PTPRT: variants seen among roughly 807,000 people sequenced by gnomAD.
PTPRT encodes the protein protein tyrosine phosphatase receptor type T.
A neutral mutation model predicts 176.8 loss-of-function variants in PTPRT; 56 were observed. That is an observed-to-expected ratio of 0.32 (90% CI 0.26 to 0.40). The LOEUF (loss-of-function observed/expected upper bound fraction) is 0.40. Among genes scored for constraint, PTPRT ranks in the 10% least tolerant of loss-of-function variants. The pLI, the probability that PTPRT is intolerant of heterozygous loss-of-function variation, is 1.00. For synonymous variants in PTPRT, 783 were observed against 739.0 expected (o/e 1.06, Z -0.96); for missense variants, 1,540 against 1,908.2 (o/e 0.81, Z 3.60).
intron 12 of PTPRT, among the ~76,000 whole-genome samples, chr20:42,286,770 T>A (rs6016737): frequency 6.6e-6 from 1 of 151,686 alleles, no homozygotes; most frequent in Non-Finnish European, 1.5e-5. Flanking sequence ...TAAAAAATTA[T>A]GTACAGAAAA....
chr20:42,859,420 T>G (rs893846499), intron 2 of PTPRT, among the ~76,000 whole-genome samples: 2 of 152,140 alleles, frequency 1.3e-5, no homozygotes, highest in African/African-American at 4.8e-5. Context: ...ATACCAACAG[T>G]GTATGGCCAC....
intron 15 of PTPRT, among the ~76,000 whole-genome samples, chr20:42,227,285 C>T (rs2056035906): frequency 6.6e-6 from 1 of 152,112 alleles, no homozygotes; most frequent in East Asian, 1.9e-4. Flanking sequence ...GGAGCAGTGG[C>T]TAAAGCCAAC....
At chr20:42,896,908 C>T (rs541225195) in intron 1 of PTPRT, among the ~76,000 whole-genome samples, 3 of 152,218 alleles carry the variant, frequency 2.0e-5, no homozygotes, top group African/African-American at 7.2e-5. Flanking sequence ...GATTCTTGCC[C>T]CCGGAATGAA....
chr20:42,688,899 C>T (rs1380695320), intron 6 of PTPRT, among the ~76,000 whole-genome samples: 1 of 152,188 alleles, frequency 6.6e-6, no homozygotes, highest in Non-Finnish European at 1.5e-5. Flanking sequence ...ATAACTGTCT[C>T]TACCCTGGAG....
At chr20:42,662,055 T>A (rs1337132820) in intron 7 of PTPRT, among the ~76,000 whole-genome samples, 1 of 152,142 alleles carries the variant, frequency 6.6e-6, no homozygotes, top group Non-Finnish European at 1.5e-5. Context: ...CTCATGGCAA[T>A]GAGGATTTTT....
At chr20:42,420,359 T>C (rs1390119543) in intron 9 of PTPRT, among the ~76,000 whole-genome samples, 3 of 152,048 alleles carry the variant, frequency 2.0e-5, no homozygotes, top group Non-Finnish European at 4.4e-5. Context: ...ATGTCTGAGC[T>C]CCGGTGCTTA....
chr20:42,410,520 T>C lies in PTPRT; in HGVS notation c.1560+37700A>G, dbSNP rs571616763. ...CTCTCCCAGTAATTGATAGAACAAGTAGAGGGAAAATTATTAAAATTAGAG... is the reference window on the plus strand; with the variant it reads ...CTCTCCCAGTAATTGATAGAACAAGCAGAGGGAAAATTATTAAAATTAGAG... On this transcript the variant is annotated intron_variant, in intron 9 of 30. Coordinates refer to ENST00000373187, the MANE Select transcript of PTPRT (RefSeq NM_007050.6). 3.3e-5 allele frequency among the ~76,000 whole-genome samples: 5 copies of C among 151,624 alleles called. No individual in the cohort carries two copies. In the East Asian group the frequency reaches 9.7e-4, roughly 29 times the overall value.
intron 6 of PTPRT, among the ~76,000 whole-genome samples, chr20:42,742,013 T>C (rs145558785): frequency 4.7e-4 from 72 of 152,234 alleles, no homozygotes; most frequent in Middle Eastern, 3.4e-3. Flanking sequence ...GGGACAAACA[T>C]TGAAGAATAA....
intron 2 of PTPRT, among the ~76,000 whole-genome samples, chr20:42,819,914 A>T (rs1372384671): frequency 6.6e-6 from 1 of 152,206 alleles, no homozygotes; most frequent in Non-Finnish European, 1.5e-5. Context: ...ACCCAGATTC[A>T]TAAGACAATC....
At chr20:43,120,866 T>C (rs2013234108) in intron 1 of PTPRT, among the ~76,000 whole-genome samples, 1 of 152,238 alleles carries the variant, frequency 6.6e-6, no homozygotes, top group Middle Eastern at 3.2e-3. Context: ...TTAATATATG[T>C]AAATATACAT....
At chr20:42,266,339 CT>C (rs1440401982) in intron 13 of PTPRT, among the ~76,000 whole-genome samples, 10 of 152,176 alleles carry the variant, frequency 6.6e-5, no homozygotes, top group African/African-American at 2.4e-4. Context: ...TGGGGATGAC[CT>C]TTAGCACAGC....
At chr20:42,947,678 C>G (rs1000769916) in intron 1 of PTPRT, among the ~76,000 whole-genome samples, 1 of 152,176 alleles carries the variant, frequency 6.6e-6, no homozygotes, top group South Asian at 2.1e-4. Flanking sequence ...TGCTCCTTTT[C>G]TTTCCTCCCC....
chr20:42,826,812 A>G (rs1050154461), intron 2 of PTPRT, among the ~76,000 whole-genome samples: 2 of 152,204 alleles, frequency 1.3e-5, no homozygotes, highest in African/African-American at 4.8e-5. Flanking sequence ...CAAGAGACCC[A>G]TCTCACATGC....
Position 42,073,408 on chromosome 20 carries a change from G to A in PTPRT, c.*7471C>T, listed in dbSNP as rs943438794. ...ATGATTATAATCATGTGTAAATTGA[G>A]TTACTGTGCTTTTGCTTTTGCAGTG... is the stretch of plus-strand genomic sequence containing the variant. On this transcript the variant is annotated 3_prime_UTR_variant, in exon 31 of 31. Transcript: ENST00000373187. 7 of 195,094 alleles carry A rather than the reference G, an allele frequency of 3.6e-5. No individual in the cohort carries two copies. The highest frequency in any genetic ancestry group is 1.6e-4 in the African/African-American group (7 of 43,282). 12.1% of individuals were successfully genotyped at this position (195,094 alleles called of 1,614,324 possible).
chr20:43,001,285 G>A (rs1290171475), intron 1 of PTPRT, among the ~76,000 whole-genome samples: 1 of 152,122 alleles, frequency 6.6e-6, no homozygotes, highest in Admixed American at 6.5e-5. Context: ...CTCAAAAAAT[G>A]AGTAAGCAGT....
intron 9 of PTPRT, among the ~76,000 whole-genome samples, chr20:42,391,982 T>C (rs2058804182): frequency 6.6e-6 from 1 of 152,176 alleles, no homozygotes; most frequent in African/African-American, 2.4e-5. Context: ...CCTGCCATGA[T>C]GGGCAATGGC....
chr20:43,137,183 G>T (rs1046026779), intron 1 of PTPRT, among the ~76,000 whole-genome samples: 2 of 152,132 alleles, frequency 1.3e-5, no homozygotes, highest in Non-Finnish European at 2.9e-5. Flanking sequence ...GGGCCCAGAA[G>T]GGTGAGGCAG....
Position 42,516,788 on chromosome 20 carries a change from A to C in PTPRT, c.1154-44226T>G, listed in dbSNP as rs140048908. Among the ~76,000 whole-genome samples, 433 of 152,288 alleles carry C rather than the reference A, an allele frequency of 2.8e-3. 1 individual carries two copies. Among genetic ancestry groups the C allele is most frequent in the African/African-American group, 0.01 (420 of 41,568 alleles). Reference sequence around the variant, plus strand: ...AATACGAAATACAGCCTGTAATTTGACATTTTAATATTTCTTATTATAGAA... The same window carrying C: ...AATACGAAATACAGCCTGTAATTTGCCATTTTAATATTTCTTATTATAGAA... On this transcript the variant is annotated intron_variant, in intron 7 of 30. Transcript: ENST00000373187.
At chr20:42,291,079 A>C (rs1392891632) in intron 12 of PTPRT, among the ~76,000 whole-genome samples, 2 of 152,146 alleles carry the variant, frequency 1.3e-5, no homozygotes, top group Non-Finnish European at 2.9e-5. Flanking sequence ...TGAGCTTCCC[A>C]GTTGATATGA....
Sources: gnomAD v4.1 joint callset for allele counts (sites outside exome capture counted in the v4.1 genomes callset) on GRCh38, gnomAD v4.1.1 for gene constraint, MANE v1.5 for transcripts, NCBI Gene and HGNC (gene_info 2026-07-23, HGNC 2026-07-21) for gene names.